The following ULK2 variants were observed in gnomAD, a reference collection of about 807,000 sequenced individuals.
ULK2 encodes serine/threonine-protein kinase ULK2.
ULK2 carries 76 observed loss-of-function variants against 127.5 expected under a neutral mutation model. The ratio of observed to expected loss-of-function variants is 0.60; its 90% CI spans 0.50 to 0.72. The LOEUF (loss-of-function observed/expected upper bound fraction) is 0.72, where lower values mean the gene tolerates loss of function less well. Among genes scored for constraint, ULK2 ranks in the 30% least tolerant of loss-of-function variants. ULK2 has a pLI of 0.00. For missense variants in ULK2, 1,144 were observed against 1,295.9 expected, an observed-to-expected ratio of 0.88 and a Z score of 1.80; for synonymous variants, 452 against 461.9, an observed-to-expected ratio of 0.98 and a Z score of 0.28.
intron 6 of ULK2, 60 bp from the exon 7 acceptor site, chr17:19,845,437 A>C (rs1462258338): frequency 1.2e-5 from 15 of 1,255,140 alleles, no homozygotes; most frequent in Admixed American, 5.1e-5. Context: ...CCTAACATAT[A>C]TCATATGATT....
Position 19,867,358 on chromosome 17 carries a change from G to A in ULK2, c.60C>T (p.Phe20=), listed in dbSNP as rs779449876. The A allele has an allele frequency of 8.1e-6, 13 of 1,602,608 alleles. No individual in the cohort carries two copies. The South Asian group carries it at 1.4e-4, about 18-fold the overall frequency. ...GGTGCCGCCCCCGGAAGACCACGGC[G>A]AAGGCCCCGTGTCCCACGAGATCCC... ...SKRDLVGHGA[F]AVVFRGRHRQ... The change falls in exon 1 of 27, where the codon TTC becomes TTT. Residue 20 remains phenylalanine, a synonymous_variant. Coordinates refer to ENST00000395544, the MANE Select transcript of ULK2 (RefSeq NM_014683.4).
chr17:19,802,355 A>G (rs986244076), intron 15 of ULK2, among the ~76,000 whole-genome samples: 7 of 152,224 alleles, frequency 4.6e-5, no homozygotes, highest in Non-Finnish European at 8.8e-5. Context: ...ATTTATATCT[A>G]TTGATATTTA....
chr17:19,777,767 C>A lies in ULK2; in HGVS notation c.2917-51G>T, dbSNP rs747019248. ...TTCTCTCAATTTTTCCAAGAAAATA[C>A]AAATCCATTTGGGCAATGAAGCTTT... On this transcript the variant is annotated intron_variant, in intron 25 of 26. Transcript: ENST00000395544. The A allele has an allele frequency of 6.4e-6, 10 of 1,569,564 alleles. No individual in the cohort carries two copies. In the East Asian group the frequency reaches 6.8e-5, roughly 11 times the overall value.
chr17:19,801,809 C>T lies in ULK2; in HGVS notation c.1409G>A (p.Gly470Glu), dbSNP rs752418880. Residue 470 changes from glycine (G) to glutamate (E), a missense_variant, in exon 16 of 27, where the codon GGG becomes GAG. Gly to Glu is a moderately conservative substitution (Grantham distance 98, BLOSUM62 -2). Around this residue, in one of 2 missense-constraint regions of ULK2, gnomAD observed 913 missense variants for 970.5 expected, o/e 0.94. Coordinates refer to ENST00000395544, the MANE Select transcript of ULK2 (RefSeq NM_014683.4). The stretch of plus-strand genomic sequence containing the variant: ...GGAAGGTGAGTAAGGCCTAGAAGAC[C>T]CAGTGGAGAGCCTTCGTCCAACTGT... Reference protein sequence around the residue: ...AQTVGRRLSTGSSRPYSPSPL... With the variant: ...AQTVGRRLSTESSRPYSPSPL... 46 of 1,613,978 alleles carry T rather than the reference C, an allele frequency of 2.9e-5. No homozygotes were observed. The highest frequency in any genetic ancestry group is 3.3e-4 in the Middle Eastern group (2 of 6,084).
chr17:19,776,489 TA>T, intron 26 of ULK2, 82 bp from the exon 27 acceptor site: 1 of 1,249,410 alleles, frequency 8.0e-7, no homozygotes, highest in Non-Finnish European at 1.1e-6. Context: ...GCCCCAAAGT[TA>T]ACAGTTCTGA....
intron 3 of ULK2, among the ~76,000 whole-genome samples, chr17:19,864,410 A>T (rs281344): frequency 6.6e-6 from 1 of 151,832 alleles, no homozygotes; most frequent in African/African-American, 2.4e-5. Context: ...GGGAGGTAGC[A>T]GTTGCAGTGA....
intron 20 of ULK2, among the ~76,000 whole-genome samples, chr17:19,791,710 T>C (rs547610694): frequency 1.3e-5 from 2 of 151,344 alleles, no homozygotes; most frequent in African/African-American, 2.4e-5. Context: ...TTATAAAAAT[T>C]AGCCAGGCAT....
Position 19,786,069 on chromosome 17 carries a change from C to T in ULK2, c.2119G>A (p.Gly707Ser). 6.4e-7 allele frequency: 1 copy of T among 1,564,498 alleles called. No homozygotes were observed. Among genetic ancestry groups the T allele is most frequent in the Non-Finnish European group, 8.6e-7 (1 of 1,162,634 alleles). The change falls in exon 21 of 27, where the codon GGT (glycine) becomes AGT (serine). Residue 707 changes from glycine to serine, a missense_variant. Gly to Ser is a moderately conservative substitution (Grantham distance 56, BLOSUM62 0). Coordinates refer to ENST00000395544, the MANE Select transcript of ULK2 (RefSeq NM_014683.4). ...CCTGCAGGAGGTGCCAGAACACCACCACAGGCTCCTGCCGGAGCTACAACA... is the reference window on the plus strand; with the variant it reads ...CCTGCAGGAGGTGCCAGAACACCACTACAGGCTCCTGCCGGAGCTACAACA... Reference protein sequence around the residue: ...PMDIAPAGACGGVLAPPAGTA... With the variant: ...PMDIAPAGACSGVLAPPAGTA...
At chr17:19,781,408 C>T (rs913065361) in intron 23 of ULK2, among the ~76,000 whole-genome samples, 8 of 151,762 alleles carry the variant, frequency 5.3e-5, no homozygotes, top group Non-Finnish European at 1.0e-4. Flanking sequence ...CCACCATGCC[C>T]GGCTAATTTT....
At chr17:19,792,645 C>T (rs1004712517) in intron 20 of ULK2, among the ~76,000 whole-genome samples, 1 of 152,150 alleles carries the variant, frequency 6.6e-6, no homozygotes, top group Non-Finnish European at 1.5e-5. Context: ...AAAACCCGGC[C>T]AGTCTCTCAG....
intron 10 of ULK2, among the ~76,000 whole-genome samples, chr17:19,832,209 A>C (rs927077206): frequency 1.3e-5 from 2 of 152,110 alleles, no homozygotes; most frequent in Non-Finnish European, 2.9e-5. Context: ...ACTAAGCCCA[A>C]AACTAGTAGA....
chr17:19,853,817 C>A (rs893522535), intron 3 of ULK2, among the ~76,000 whole-genome samples: 2 of 151,872 alleles, frequency 1.3e-5, no homozygotes, highest in Non-Finnish European at 2.9e-5. Context: ...GTGATCCCCC[C>A]GCCTCGGCCT....
chr17:19,852,674 A>G (rs1487301106), intron 3 of ULK2, among the ~76,000 whole-genome samples: 1 of 149,342 alleles, frequency 6.7e-6, no homozygotes, highest in Non-Finnish European at 1.5e-5. Context: ...TCTGTGGCCC[A>G]GGCTGGAGTG....
At chr17:19,858,673 GA>G (rs892912797) in intron 3 of ULK2, among the ~76,000 whole-genome samples, 4 of 149,212 alleles carry the variant, frequency 2.7e-5, no homozygotes, top group East Asian at 1.9e-4. Flanking sequence ...AATGGTTTAA[GA>G]AAAAAAAAAT....
At chr17:19,832,093 A>C (rs1217215576) in intron 10 of ULK2, among the ~76,000 whole-genome samples, 1 of 151,794 alleles carries the variant, frequency 6.6e-6, no homozygotes, top group Non-Finnish European at 1.5e-5. Context: ...ACGCCACTGC[A>C]CTCCAGCGTT....
chr17:19,843,874 G>A (rs1001392971), intron 7 of ULK2, among the ~76,000 whole-genome samples: 1 of 151,900 alleles, frequency 6.6e-6, no homozygotes, highest in Admixed American at 6.6e-5. Context: ...TGGCCAGGCT[G>A]GTCTCGAACT....
intron 23 of ULK2, 88 bp from the exon 24 acceptor site, chr17:19,781,192 C>T: frequency 9.7e-7 from 1 of 1,031,410 alleles, no homozygotes; most frequent in Non-Finnish European, 1.4e-6. Flanking sequence ...TTAAAATTGC[C>T]TTTCTATAAA....
At position 19,771,189 on chromosome 17, in the gene ULK2, TC is replaced by T. The variant is rs1219641260; in HGVS notation, c.*5159del. On this transcript the variant is annotated 3_prime_UTR_variant, in exon 27 of 27. Coordinates refer to ENST00000395544, the MANE Select transcript of ULK2 (RefSeq NM_014683.4). ...TCCTGTACCCAGTGTGGCCTCCTGC[TC>T]CCACCGCTTTCCAGCTGTGGGGCTT... 2.0e-5 allele frequency: 3 copies of T among 152,110 alleles called. No homozygotes were observed. The highest frequency in any genetic ancestry group is 4.4e-5 in the Non-Finnish European group (3 of 68,028). 9.4% of individuals were successfully genotyped at this position (152,110 alleles called of 1,614,324 possible). A position where few individuals can be genotyped will look rare whatever the true frequency, so the allele number is the denominator to read the frequency against.
intron 20 of ULK2, among the ~76,000 whole-genome samples, chr17:19,790,149 G>T (rs1308742204): frequency 6.6e-6 from 1 of 152,156 alleles, no homozygotes; most frequent in East Asian, 1.9e-4. Flanking sequence ...GGGAGTGGTG[G>T]CTCAAGCCTG....
Sources: allele counts gnomAD v4.1 joint callset (sites outside exome capture counted in the v4.1 genomes callset), GRCh38; gene constraint gnomAD v4.1.1; regional missense constraint gnomAD v4.1.1; transcripts MANE v1.5; gene names NCBI Gene and HGNC (gene_info 2026-07-23, HGNC 2026-07-21).